Variants in POU6F2 observed in about 807,000 individuals in gnomAD.
The protein encoded by POU6F2 is POU domain, class 6, transcription factor 2.
In POU6F2, 31 loss-of-function variants were observed where a neutral mutation model predicts 71.3. That is an observed-to-expected ratio of 0.43 (90% CI 0.33 to 0.59). The LOEUF is 0.59. Among genes scored for constraint, POU6F2 ranks in the 20% least tolerant of loss-of-function variants. POU6F2 has a pLI of 0.04. For synonymous variants in POU6F2, 347 were observed against 355.7 expected (o/e 0.98, Z 0.27); for missense variants, 783 against 856.8 (o/e 0.91, Z 1.07).
chr7:39,389,804 C>T (rs1456009001), intron 5 of POU6F2, among the ~76,000 whole-genome samples: 13 of 152,248 alleles, frequency 8.5e-5, no homozygotes, highest in East Asian at 5.8e-4. Context: ...AAAAGTATTA[C>T]TCCCAAGCCA....
At chr7:39,113,195 G>T (rs1791858704) in intron 2 of POU6F2, among the ~76,000 whole-genome samples, 1 of 152,126 alleles carries the variant, frequency 6.6e-6, no homozygotes, top group South Asian at 2.1e-4. Context: ...GCCTGCAAAA[G>T]TCCAGGAGAA....
chr7:39,258,317 A>G (rs1379561745), intron 4 of POU6F2, among the ~76,000 whole-genome samples: 1 of 152,180 alleles, frequency 6.6e-6, no homozygotes, highest in East Asian at 1.9e-4. Flanking sequence ...TCTACCTTTT[A>G]CTTTTTGAGA....
chr7:39,077,277 A>G (rs571000815), intron 1 of POU6F2, among the ~76,000 whole-genome samples: 1 of 152,114 alleles, frequency 6.6e-6, no homozygotes, highest in East Asian at 1.9e-4. Flanking sequence ...ATAAGTATAC[A>G]TGAAGCATGG....
chr7:39,087,148 A>AT lies in POU6F2; in HGVS notation c.277+1119dup, dbSNP rs1343947831. On this transcript the variant is annotated intron_variant, in intron 2 of 9. Transcript: ENST00000518318. The stretch of plus-strand genomic sequence containing the variant: ...TCGGCTTGAAACACAGGCTTTATTA[A>AT]TTAATTAATTAATTTATTTATTTAT... Among the ~76,000 whole-genome samples the AT allele has an allele frequency of 8.1e-4, 44 of 54,008 alleles. 1 individual carries two copies. The highest frequency in any genetic ancestry group is 2.4e-3 in the South Asian group (3 of 1,252). The allele number at this position is 54,008 out of a possible 152,430, so 35.4% of individuals were successfully genotyped here.
intron 1 of POU6F2, among the ~76,000 whole-genome samples, chr7:39,001,654 T>C (rs998714941): frequency 1.0e-4 from 6 of 59,650 alleles, no homozygotes; most frequent in African/African-American, 3.4e-4. Context: ...GGAGAAATGG[T>C]GATAATGGTG....
chr7:39,327,278 C>CA (rs35085212), intron 4 of POU6F2, among the ~76,000 whole-genome samples: 3,841 of 122,040 alleles, frequency 0.031, 138 homozygotes, highest in African/African-American at 0.095. Flanking sequence ...GACTCTGTCT[C>CA]AAAAAAAAAA....
At chr7:39,153,413 A>G (rs556759537) in intron 2 of POU6F2, among the ~76,000 whole-genome samples, 10 of 152,274 alleles carry the variant, frequency 6.6e-5, no homozygotes, top group African/African-American at 2.4e-4. Flanking sequence ...ATTTTGCTAC[A>G]CAATACGATC....
chr7:39,077,599 C>A (rs2128719377), intron 1 of POU6F2, among the ~76,000 whole-genome samples: 1 of 152,178 alleles, frequency 6.6e-6, no homozygotes, highest in East Asian at 1.9e-4. Flanking sequence ...GGGATAGAGA[C>A]CCTGTGTGGA....
At chr7:39,229,266 T>A (rs1181415696) in intron 4 of POU6F2, among the ~76,000 whole-genome samples, 1 of 152,234 alleles carries the variant, frequency 6.6e-6, no homozygotes, top group East Asian at 1.9e-4. Context: ...TTCAGTAGGC[T>A]GTCTTTAAGA....
At chr7:39,138,823 C>A (rs1792438325) in intron 2 of POU6F2, among the ~76,000 whole-genome samples, 1 of 152,182 alleles carries the variant, frequency 6.6e-6, no homozygotes, top group East Asian at 1.9e-4. Context: ...CCTGGGATTG[C>A]TGATTTACAG....
chr7:39,396,437 T>A (rs1787176350), intron 5 of POU6F2, among the ~76,000 whole-genome samples: 1 of 152,178 alleles, frequency 6.6e-6, no homozygotes. Flanking sequence ...CAGAGCTCAT[T>A]GATAACTCTG....
At chr7:39,330,574 G>C (rs1284539300) in intron 4 of POU6F2, among the ~76,000 whole-genome samples, 1 of 152,092 alleles carries the variant, frequency 6.6e-6, no homozygotes, top group African/African-American at 2.4e-5. Context: ...AAAAAAATAC[G>C]CAGTGATCAA....
chr7:39,406,534 G>T, intron 5 of POU6F2, 66 bp from the exon 6 acceptor site: 1 of 1,565,612 alleles, frequency 6.4e-7, no homozygotes, highest in South Asian at 1.2e-5. Flanking sequence ...CAGAGTCAAT[G>T]TTGTGTCCGT....
intron 8 of POU6F2, among the ~76,000 whole-genome samples, chr7:39,458,170 C>T (rs1043461861): frequency 7.2e-5 from 11 of 152,026 alleles, no homozygotes; most frequent in Non-Finnish European, 8.8e-5. Flanking sequence ...ATGCTTTAAA[C>T]GCAGGGTCAC....
intron 4 of POU6F2, among the ~76,000 whole-genome samples, chr7:39,252,144 T>C (rs1783933784): frequency 6.6e-6 from 1 of 152,024 alleles, no homozygotes; most frequent in East Asian, 1.9e-4. Context: ...CAGCACATCA[T>C]GAGAAAGAAC....
intron 3 of POU6F2, among the ~76,000 whole-genome samples, chr7:39,205,548 T>C (rs1455246119): frequency 2.0e-5 from 3 of 152,174 alleles, no homozygotes; most frequent in African/African-American, 7.2e-5. Context: ...GAGAGCTACT[T>C]ATTTGCCTTC....
intron 2 of POU6F2, among the ~76,000 whole-genome samples, chr7:39,155,264 T>G (rs2128735350): frequency 2.9e-5 from 4 of 137,246 alleles, no homozygotes; most frequent in South Asian, 2.7e-4. Flanking sequence ...GGGGTGGGGG[T>G]TGGGGGGGAG....
Position 39,464,951 on chromosome 7 carries a change from T to C in POU6F2, c.*265T>C. On this transcript the variant is annotated 3_prime_UTR_variant, in exon 10 of 10. Transcript: ENST00000518318. The surrounding 1 kb of genome is among the most constrained non-coding windows in gnomAD (Gnocchi z 4.1). ...CACACTGAAGGTGTGTGTGGTAGGA[T>C]AGTTCCCTTCCCCCACCTGTCTCCC... 2 of 420,186 alleles carry C rather than the reference T, an allele frequency of 4.8e-6. No homozygotes were observed. The highest frequency in any genetic ancestry group is 8.3e-6 in the Non-Finnish European group (2 of 240,466). 26.0% of individuals were successfully genotyped at this position (420,186 alleles called of 1,614,324 possible).
chr7:39,145,662 C>T (rs1792605759), intron 2 of POU6F2, among the ~76,000 whole-genome samples: 2 of 152,168 alleles, frequency 1.3e-5, no homozygotes. Context: ...GTTCCTTGGG[C>T]AATTTGTAGG....
Sources: allele counts gnomAD v4.1 joint callset (sites outside exome capture counted in the v4.1 genomes callset), GRCh38; gene constraint gnomAD v4.1.1; non-coding constraint Gnocchi (gnomAD v3.1); transcripts MANE v1.5; gene names NCBI Gene and HGNC (gene_info 2026-07-23, HGNC 2026-07-21).